TMPRSS5: variants seen among roughly 807,000 people sequenced by gnomAD.
TMPRSS5 encodes transmembrane serine protease 5.
Under a neutral mutation model 59.7 loss-of-function variants are expected in TMPRSS5, and 45 were observed. The ratio of observed to expected loss-of-function variants is 0.75; its 90% confidence interval spans 0.59 to 0.97. The LOEUF (loss-of-function observed/expected upper bound fraction) is 0.97. Among genes scored for constraint, TMPRSS5 ranks in the 50% least tolerant of loss-of-function variants. The pLI, the probability that TMPRSS5 is intolerant of heterozygous loss-of-function variation, is 0.00. For synonymous variants in TMPRSS5, 225 were observed against 232.0 expected (o/e 0.97, Z 0.27); for missense variants, 585 against 596.7 (o/e 0.98, Z 0.20).
At chr11:113,705,548 C>T (rs1298468734) in intron 1 of TMPRSS5, among the ~76,000 whole-genome samples, 1 of 152,210 alleles carries the variant, frequency 6.6e-6, no homozygotes, top group Admixed American at 6.5e-5. Context: ...TTGTATCAAA[C>T]CACACACATT....
Position 113,699,286 on chromosome 11 carries a change from T to TCCCCCCTCTCTCTCC in TMPRSS5, c.206-260_206-259insGGAGAGAGAGGGGGG, listed in dbSNP as rs1565263959. Among the ~76,000 whole-genome samples the TCCCCCCTCTCTCTCC allele has an allele frequency of 2.4e-5, 3 of 124,700 alleles. 1 individual carries two copies. Among genetic ancestry groups the TCCCCCCTCTCTCTCC allele is most frequent in the East Asian group, 8.9e-4 (2 of 2,242 alleles). 81.8% of individuals were successfully genotyped at this position (124,700 alleles called of 152,430 possible). A position where few individuals can be genotyped will look rare whatever the true frequency, so the allele number is the denominator to read the frequency against. ...CTCTCTCTCTCCCTCTCTCTCTCTC[T>TCCCCCCTCTCTCTCC]CTCTCTGTCTCTCTCTCTCTCTAGC... On this transcript the variant is annotated intron_variant, in intron 3 of 12. Transcript: ENST00000299882.
At chr11:113,695,275 G>T in intron 7 of TMPRSS5, 125 bp downstream of exon 7, 1 of 974,470 alleles carries the variant, frequency 1.0e-6, no homozygotes, top group Non-Finnish European at 1.6e-6. Flanking sequence ...CAGGCAGATG[G>T]GCAGGTGGGC....
chr11:113,696,995 C>T (rs1952946251), intron 5 of TMPRSS5, 24 bp from the exon 6 acceptor site: 3 of 1,514,132 alleles, frequency 2.0e-6, no homozygotes, highest in African/African-American at 2.8e-5. Flanking sequence ...GGGAATAGAA[C>T]AGGAGGAAAT....
chr11:113,705,871 T>G (rs1295705447), intron 1 of TMPRSS5, among the ~76,000 whole-genome samples: 2 of 152,128 alleles, frequency 1.3e-5, no homozygotes, highest in African/African-American at 2.4e-5. Context: ...CACCTCAAAA[T>G]TCAACTGCCC....
At position 113,699,233 on chromosome 11, in the gene TMPRSS5, C is replaced by CTG. The variant is rs1953028562; in HGVS notation, c.206-207_206-206insCA. Among the ~76,000 whole-genome samples, 18 of 60,334 alleles carry CTG rather than the reference C, an allele frequency of 3.0e-4. No individual in the cohort carries two copies. In the East Asian group the frequency reaches 3.7e-3, roughly 12 times the overall value. 39.6% of individuals were successfully genotyped at this position (60,334 alleles called of 152,430 possible). On this transcript the variant is annotated intron_variant, in intron 3 of 12. Transcript: ENST00000299882. The stretch of plus-strand genomic sequence containing the variant: ...TCTGTCTCTCTCTCTCTCTCTCTCT[C>CTG]TCTCTCTCTCTCTCTCTCTCTCTCT...
chr11:113,694,426 G>T, intron 8 of TMPRSS5, 52 bp downstream of exon 8: 1 of 1,540,676 alleles, frequency 6.5e-7, no homozygotes, highest in East Asian at 2.5e-5. Flanking sequence ...ACCAACAGCC[G>T]AACAGAAAGG....
intron 4 of TMPRSS5, among the ~76,000 whole-genome samples, chr11:113,697,796 C>T (rs751711313): frequency 9.2e-5 from 14 of 152,116 alleles, no homozygotes; most frequent in Non-Finnish European, 1.3e-4. Context: ...AGATCCAGGT[C>T]TTCTGATTTC....
Position 113,689,770 on chromosome 11 carries a change from C to A in TMPRSS5, c.1354G>T (p.Ala452Ser), listed in dbSNP as rs1282907562. ...AEFLDWIHDT[A>S]QDSLL is the part of the protein sequence containing the mutation. ...ACTCCTGCCCCCACACTCACCTGAGCAGTGTCATGGATCCAGTCCAGAAAC... is the reference window on the plus strand; with the variant it reads ...ACTCCTGCCCCCACACTCACCTGAGAAGTGTCATGGATCCAGTCCAGAAAC... The change falls in exon 12 of 13, where the codon GCT becomes TCT. Residue 452 changes from alanine (A) to serine (S), a missense_variant. By Grantham distance (99) the Ala-to-Ser change is moderately conservative. Coordinates refer to ENST00000299882, the MANE Select transcript of TMPRSS5 (RefSeq NM_030770.4). 1.2e-6 allele frequency: 2 copies of A among 1,610,334 alleles called. No individual in the cohort carries two copies. The highest frequency in any genetic ancestry group is 3.4e-5 in the Admixed American group (2 of 59,642).
At chr11:113,704,620 T>C (rs1187452020) in intron 1 of TMPRSS5, among the ~76,000 whole-genome samples, 1 of 152,172 alleles carries the variant, frequency 6.6e-6, no homozygotes, top group Non-Finnish European at 1.5e-5. Flanking sequence ...TCAGGCACTC[T>C]CACAACAGAG....
chr11:113,699,262 T>TCC (rs370060093), intron 3 of TMPRSS5, among the ~76,000 whole-genome samples: 2 of 93,264 alleles, frequency 2.1e-5, no homozygotes, highest in African/African-American at 6.1e-5. Context: ...TCTCTCTCTC[T>TCC]CTCTCTCTCC....
chr11:113,689,843 A>G lies in TMPRSS5; in HGVS notation c.1281T>C (p.Arg427=). 6.3e-7 allele frequency: 1 copy of G among 1,593,950 alleles called. No individual in the cohort carries two copies. Among genetic ancestry groups the G allele is most frequent in the Non-Finnish European group, 8.5e-7 (1 of 1,170,404 alleles). The change falls in exon 12 of 13, where the codon CGT becomes CGC. Residue 427 remains arginine, a synonymous_variant. Coordinates refer to ENST00000299882, the MANE Select transcript of TMPRSS5 (RefSeq NM_030770.4). ...WRLVGVVSWG[R]GCAEPNHPGV... ...CTGGGTGATTGGGCTCTGCGCAGCC[A>G]CGCCCCCAGCTGACCACCCCCACTA...
intron 4 of TMPRSS5, 103 bp downstream of exon 4, chr11:113,698,802 G>A: frequency 7.4e-7 from 1 of 1,347,798 alleles, no homozygotes; most frequent in African/African-American, 1.4e-5. Context: ...AACACATATG[G>A]TTGGCAGTGA....
chr11:113,698,980 G>T lies in TMPRSS5; in HGVS notation c.253C>A (p.Gln85Lys). 6.2e-7 allele frequency: 1 copy of T among 1,608,644 alleles called. No homozygotes were observed. Among genetic ancestry groups the T allele is most frequent in the Non-Finnish European group, 8.5e-7 (1 of 1,177,740 alleles). ...CAGCTCAAAGTTATCTCCTCATCCT[G>T]CAAGGTCCCGGAAATGGGCTGAGAG... ...AASQPISGTL[Q>K]DEEITLSCSE... The change falls in exon 4 of 13, where the codon CAG becomes AAG. Residue 85 changes from glutamine to lysine, a missense_variant. By Grantham distance (53) the Gln-to-Lys change is moderately conservative. Coordinates refer to ENST00000299882, the MANE Select transcript of TMPRSS5 (RefSeq NM_030770.4).
intron 10 of TMPRSS5, among the ~76,000 whole-genome samples, 155 bp downstream of exon 10, chr11:113,690,686 G>A (rs564779309): frequency 6.6e-6 from 1 of 152,202 alleles, no homozygotes; most frequent in East Asian, 1.9e-4. Flanking sequence ...GGCCCAAGCA[G>A]GGGAGACTGG....
At chr11:113,706,166 G>A in intron 1 of TMPRSS5, 56 bp downstream of exon 1, 3 of 1,574,128 alleles carry the variant, frequency 1.9e-6, no homozygotes, top group Non-Finnish European at 2.6e-6. Flanking sequence ...AGAGGAGGGA[G>A]AGAGAAAGAA....
At chr11:113,694,903 C>T (rs1952884721) in intron 7 of TMPRSS5, among the ~76,000 whole-genome samples, 1 of 152,098 alleles carries the variant, frequency 6.6e-6, no homozygotes. Context: ...GAATGCCTGT[C>T]CTGTAGTAAA....
chr11:113,690,988 C>T (rs766204922), intron 9 of TMPRSS5, 49 bp from the exon 10 acceptor site: 28 of 1,516,786 alleles, frequency 1.8e-5, no homozygotes, highest in Non-Finnish European at 2.5e-5. Flanking sequence ...TGGCTTCCCC[C>T]ACTGCAGAGC....
intron 12 of TMPRSS5, 49 bp downstream of exon 12, chr11:113,689,716 G>T (rs1287877243): frequency 1.3e-6 from 2 of 1,572,906 alleles, no homozygotes; most frequent in Admixed American, 1.8e-5. Flanking sequence ...TGCATTCGAG[G>T]GCAGGTCCTT....
chr11:113,699,669 G>T lies in TMPRSS5; in HGVS notation c.131C>A (p.Ser44Tyr). ...HPISQAVCWR[S>Y]MRRGCAVLGA... The stretch of plus-strand genomic sequence containing the variant: ...CAGCACTGCACAGCCACGTCGCATG[G>T]AACGCCAGCACACTGCCTGAGAAAC... The change falls in exon 3 of 13, where the codon TCC (serine) becomes TAC (tyrosine). Residue 44 changes from serine to tyrosine, a missense_variant. Transcript: ENST00000299882. 6.3e-7 allele frequency: 1 copy of T among 1,581,884 alleles called. No homozygotes were observed.
Sources: gnomAD v4.1 joint callset for allele counts (sites outside exome capture counted in the v4.1 genomes callset) on GRCh38, gnomAD v4.1.1 for gene constraint, MANE v1.5 for transcripts, NCBI Gene and HGNC (gene_info 2026-07-23, HGNC 2026-07-21) for gene names.